TSHR: variants seen among roughly 807,000 people sequenced by gnomAD.
TSHR encodes thyroid stimulating hormone receptor.
In TSHR, 51 loss-of-function variants were observed where a neutral mutation model predicts 64.1. The ratio of observed to expected loss-of-function variants is 0.80; its 90% CI spans 0.64 to 1.01. TSHR has a LOEUF of 1.01. Among genes scored for constraint, TSHR ranks in the 50% least tolerant of loss-of-function variants. The pLI is 0.00. For synonymous variants in TSHR, 361 were observed against 361.9 expected, an observed-to-expected ratio of 1.00 and a Z score of 0.03; for missense variants, 877 against 942.8, an observed-to-expected ratio of 0.93 and a Z score of 0.91.
At chr14:80,967,313 T>C (rs1344378190) in intron 1 of TSHR, among the ~76,000 whole-genome samples, 2 of 133,948 alleles carry the variant, frequency 1.5e-5, no homozygotes, top group African/African-American at 5.7e-5. Flanking sequence ...TGAGACAGAG[T>C]CTCACTCTGT....
intron 1 of TSHR, chr14:80,992,105 A>G (rs956723954): frequency 1.3e-5 from 2 of 152,272 alleles, no homozygotes; most frequent in African/African-American, 4.8e-5. Flanking sequence ...TAAATTCTAA[A>G]TCAATATAAA....
At chr14:81,121,901 C>CCACTG in intron 8 of TSHR, among the ~76,000 whole-genome samples, 1 of 149,918 alleles carries the variant, frequency 6.7e-6, no homozygotes, top group South Asian at 2.1e-4. Flanking sequence ...CGAGATTGCA[C>CCACTG]CACTGCACTC....
chr14:81,000,844 G>A (rs1180485132), intron 1 of TSHR, among the ~76,000 whole-genome samples: 1 of 152,198 alleles, frequency 6.6e-6, no homozygotes, highest in Non-Finnish European at 1.5e-5. Context: ...AAAGGGAAGT[G>A]GGGTCTATAG....
intron 8 of TSHR, among the ~76,000 whole-genome samples, chr14:81,124,582 C>CTA (rs1373170949): frequency 9.9e-5 from 15 of 151,982 alleles, no homozygotes; most frequent in Admixed American, 1.3e-4. Context: ...ATTTATATCT[C>CTA]TATATATATG....
At chr14:81,094,865 A>G (rs117631391) in intron 6 of TSHR, among the ~76,000 whole-genome samples, 3,523 of 151,894 alleles carry the variant, frequency 0.023, 72 homozygotes, top group Non-Finnish European at 0.033. Context: ...TTTGTTAAAT[A>G]TATAGTTATT....
intron 6 of TSHR, chr14:81,093,433 C>T (rs1325147929): frequency 2.0e-5 from 3 of 152,246 alleles, no homozygotes; most frequent in African/African-American, 2.4e-5. Context: ...GCTACCTCTG[C>T]AGGGTCTCCT....
chr14:80,982,468 C>T, intron 1 of TSHR: 1 of 1,109,086 alleles, frequency 9.0e-7, no homozygotes, highest in Admixed American at 2.6e-5. Context: ...CAGTTGCAAA[C>T]CTAGGTCTGG....
chr14:81,005,095 C>G (rs1594942044), intron 1 of TSHR, among the ~76,000 whole-genome samples: 1 of 152,166 alleles, frequency 6.6e-6, no homozygotes, highest in East Asian at 1.9e-4. Context: ...TGTTCCTTTT[C>G]TCTCCTATAA....
intron 1 of TSHR, among the ~76,000 whole-genome samples, chr14:81,038,257 A>G (rs1443175926): frequency 6.6e-6 from 1 of 152,090 alleles, no homozygotes; most frequent in Non-Finnish European, 1.5e-5. Flanking sequence ...AAAATATTTA[A>G]AATGAAAATT....
At chr14:81,089,234 C>T (rs560716642) in intron 4 of TSHR, among the ~76,000 whole-genome samples, 5 of 151,992 alleles carry the variant, frequency 3.3e-5, no homozygotes, top group South Asian at 2.1e-4. Flanking sequence ...GTGATCCACC[C>T]GCCTCAGCCT....
intron 1 of TSHR, among the ~76,000 whole-genome samples, chr14:81,059,311 A>C (rs1411084887): frequency 6.6e-6 from 1 of 152,176 alleles, no homozygotes; most frequent in Non-Finnish European, 1.5e-5. Context: ...CACATGTTAA[A>C]AGCCAGAAAA....
chr14:80,973,277 T>C (rs1265529670), intron 1 of TSHR, among the ~76,000 whole-genome samples: 1 of 151,296 alleles, frequency 6.6e-6, no homozygotes, highest in Non-Finnish European at 1.5e-5. Context: ...AGGTGGCGGG[T>C]GCCTATAGTC....
chr14:81,072,015 G>A (rs1179005299), intron 3 of TSHR, among the ~76,000 whole-genome samples: 1 of 152,204 alleles, frequency 6.6e-6, no homozygotes. Context: ...TATTGTTTGT[G>A]AATGAACTGA....
In TSHR at chr14:81,143,520, T is replaced by G; in HGVS notation, c.1462T>G (p.Trp488Gly). 1 of 1,613,736 alleles carries G rather than the reference T, an allele frequency of 6.2e-7. No individual in the cohort carries two copies. Among genetic ancestry groups the G allele is most frequent in the Non-Finnish European group, 8.5e-7 (1 of 1,180,042 alleles). ...TGAGTACTACAACCATGCCATCGAC[T>G]GGCAGACAGGCCCTGGGTGCAACAC... ...HSEYYNHAID[W>G]QTGPGCNTAG... Residue 488 changes from tryptophan (W) to glycine (G), a missense_variant, in exon 10 of 10, where the codon TGG becomes GGG. Physicochemically the swap from Trp to Gly is radical, Grantham distance 184 (BLOSUM62 -2). Coordinates refer to ENST00000298171, the MANE Select transcript of TSHR (RefSeq NM_000369.5).
chr14:81,009,740 T>C (rs73349964), intron 1 of TSHR, among the ~76,000 whole-genome samples: 1,721 of 152,214 alleles, frequency 0.011, 30 homozygotes, highest in African/African-American at 0.038. Context: ...TCTAGTATTT[T>C]GTCATGTAAA....
intron 1 of TSHR, among the ~76,000 whole-genome samples, chr14:81,057,686 A>G (rs1423301023): frequency 1.3e-5 from 2 of 152,186 alleles, no homozygotes; most frequent in African/African-American, 2.4e-5. Context: ...AGAGGCCCTT[A>G]AGATGAAGAT....
At chr14:81,138,704 G>A (rs1891558673) in intron 8 of TSHR, among the ~76,000 whole-genome samples, 1 of 152,062 alleles carries the variant, frequency 6.6e-6, no homozygotes, top group Admixed American at 6.5e-5. Flanking sequence ...ACAACGATGT[G>A]GGGGGAGGAA....
chr14:81,027,312 T>C (rs1002968874), intron 1 of TSHR, among the ~76,000 whole-genome samples: 5 of 152,088 alleles, frequency 3.3e-5, no homozygotes, highest in East Asian at 1.9e-4. Context: ...TATCCAAAGT[T>C]ATATCAAAAA....
At chr14:80,992,433 CTATT>C (rs1888791674) in intron 1 of TSHR, 2 of 144,206 alleles carry the variant, frequency 1.4e-5, no homozygotes, top group Non-Finnish European at 3.0e-5. Context: ...TAGTGAGTGA[CTATT>C]TAAGTCTCCT....
Sources: gnomAD v4.1 joint callset for allele counts (sites outside exome capture counted in the v4.1 genomes callset) on GRCh38, gnomAD v4.1.1 for gene constraint, MANE v1.5 for transcripts, NCBI Gene and HGNC (gene_info 2026-07-23, HGNC 2026-07-21) for gene names.